The following MAPT variants were observed in gnomAD, a reference collection of about 807,000 sequenced individuals.
The protein encoded by MAPT is microtubule associated protein tau.
Under a neutral mutation model 67.9 loss-of-function variants are expected in MAPT, and 34 were observed. That is an observed-to-expected ratio of 0.50 (90% CI 0.38 to 0.67). The LOEUF (loss-of-function observed/expected upper bound fraction) is 0.67, where lower values mean the gene tolerates loss of function less well. Ranked by LOEUF, MAPT falls within the 30% of genes least tolerant of loss-of-function variation. The pLI is 0.00. For missense variants in MAPT, 881 were observed against 1,115.2 expected (o/e 0.79, Z 2.99); for synonymous variants, 456 against 464.5 (o/e 0.98, Z 0.23).
At chr17:46,009,155 G>A (rs62064672) in intron 9 of MAPT, among the ~76,000 whole-genome samples, 21,790 of 152,092 alleles carry the variant, frequency 0.14, 2,132 homozygotes, top group Non-Finnish European at 0.22. Context: ...AGCCGTGATG[G>A]TGTCACTGCA....
At chr17:45,966,431 T>C (rs915305787) in intron 2 of MAPT, among the ~76,000 whole-genome samples, 2 of 151,810 alleles carry the variant, frequency 1.3e-5, no homozygotes, top group African/African-American at 4.8e-5. Context: ...CTAAAAAAAA[T>C]CACAAAAATT....
intron 12 of MAPT, among the ~76,000 whole-genome samples, chr17:46,022,561 A>T (rs899249356): frequency 1.3e-5 from 2 of 152,086 alleles, no homozygotes; most frequent in Admixed American, 6.5e-5. Context: ...GCTGTGTGTG[A>T]GTGTGGATGG....
rs147868800 is a variant in MAPT at position 45,919,516 on chromosome 17, C to T, written c.-18+24830C>T. On this transcript the variant is annotated intron_variant, in intron 1 of 12. Coordinates refer to ENST00000262410, the MANE Select transcript of MAPT (RefSeq NM_001377265.1). ...GTGAGCTCACACCCAGAGCTGGCTC[C>T]GATGACCCTGTCTCCTTTACATGTT... 2.0e-3 allele frequency among the ~76,000 whole-genome samples: 312 copies of T among 152,338 alleles called. 2 individuals carry two copies. The highest frequency in any genetic ancestry group is 3.4e-3 in the Non-Finnish European group (232 of 68,030).
intron 1 of MAPT, among the ~76,000 whole-genome samples, chr17:45,912,709 A>C (rs1211762080): frequency 6.6e-6 from 1 of 152,238 alleles, no homozygotes; most frequent in Non-Finnish European, 1.5e-5. Flanking sequence ...AGGAATCAAA[A>C]ACAGTAAGTA....
At chr17:45,927,000 CAT>C (rs1006262431) in intron 1 of MAPT, among the ~76,000 whole-genome samples, 1 of 149,238 alleles carries the variant, frequency 6.7e-6, no homozygotes, top group African/African-American at 2.5e-5. Flanking sequence ...CACACATACA[CAT>C]ATATATACAC....
chr17:45,961,377 G>A (rs1229955077), intron 1 of MAPT, among the ~76,000 whole-genome samples: 2 of 152,186 alleles, frequency 1.3e-5, no homozygotes, highest in African/African-American at 4.8e-5. Context: ...ACTGGGCCCT[G>A]TGGGGTGCTT....
chr17:45,926,693 G>A (rs1284910783), intron 1 of MAPT, among the ~76,000 whole-genome samples: 1 of 152,168 alleles, frequency 6.6e-6, no homozygotes, highest in Non-Finnish European at 1.5e-5. Flanking sequence ...GTATCAGAGT[G>A]TGTGGTGTGA....
chr17:45,945,579 A>C (rs1278311021), intron 1 of MAPT, among the ~76,000 whole-genome samples: 1 of 152,126 alleles, frequency 6.6e-6, no homozygotes, highest in Non-Finnish European at 1.5e-5. Context: ...TTGGGAGGCC[A>C]AGGCAGGCGG....
chr17:45,996,714 G>A lies in MAPT; in HGVS notation c.1998+50G>A. 1 of 1,603,702 alleles carries A rather than the reference G, an allele frequency of 6.2e-7. No homozygotes were observed. Among genetic ancestry groups the A allele is most frequent in the Non-Finnish European group, 8.5e-7 (1 of 1,174,772 alleles). On this transcript the variant is annotated intron_variant, in intron 9 of 12. Transcript: ENST00000262410. This position sits in a 1 kb window ranked among gnomAD's most constrained non-coding sequence, Gnocchi z 4.5. ...AGGTGTGGGGGGCTGCGCCTGGAGG[G>A]GTAGGGCTGTGCCTGGAAGGGTAGG... is the stretch of plus-strand genomic sequence containing the variant.
intron 1 of MAPT, among the ~76,000 whole-genome samples, chr17:45,900,820 A>G (rs1212585573): frequency 1.3e-5 from 2 of 152,102 alleles, no homozygotes; most frequent in African/African-American, 4.8e-5. Flanking sequence ...GTTTTTTGTC[A>G]TCCACAACTT....
At position 46,010,266 on chromosome 17, in the gene MAPT, G is replaced by A. The variant is rs1348569350; in HGVS notation, c.1999-44G>A. Reference sequence around the variant, plus strand: ...GGCGTCCTTGCGAGCAAGCAGGCGGGTCCAGGGTGGCGTGTCACTCATCCT... The same window carrying A: ...GGCGTCCTTGCGAGCAAGCAGGCGGATCCAGGGTGGCGTGTCACTCATCCT... On this transcript the variant is annotated intron_variant, in intron 9 of 12. Coordinates refer to ENST00000262410, the MANE Select transcript of MAPT (RefSeq NM_001377265.1). The surrounding 1 kb of genome is among the most constrained non-coding windows in gnomAD (Gnocchi z 4.7). The A allele has an allele frequency of 1.5e-6, 2 of 1,367,148 alleles. No homozygotes were observed. The highest frequency in any genetic ancestry group is 2.0e-6 in the Non-Finnish European group (2 of 979,742). 84.7% of individuals were successfully genotyped at this position (1,367,148 alleles called of 1,614,324 possible). A position where few individuals can be genotyped will look rare whatever the true frequency, so the allele number is the denominator to read the frequency against.
intron 1 of MAPT, chr17:45,910,916 C>T (rs2064742439): frequency 6.6e-6 from 1 of 152,200 alleles, no homozygotes; most frequent in South Asian, 2.1e-4. Flanking sequence ...TATGCACCCA[C>T]ATTTCCAGGG....
intron 1 of MAPT, among the ~76,000 whole-genome samples, chr17:45,899,445 C>A (rs576652593): frequency 2.0e-5 from 3 of 152,152 alleles, no homozygotes; most frequent in Admixed American, 1.3e-4. Context: ...ACAACACTTC[C>A]GCTATGTAGC....
rs548209359 is a variant in MAPT, at chr17:45,967,750, C to T, written c.134-4109C>T. ...CCCGCCCCAGGTGGAGTGCCTTTCT[C>T]GGAGTTCAACAGAGCCTTCCTGTCG... is the stretch of plus-strand genomic sequence containing the variant. On this transcript the variant is annotated intron_variant, in intron 2 of 12. Coordinates refer to ENST00000262410, the MANE Select transcript of MAPT (RefSeq NM_001377265.1). Among the ~76,000 whole-genome samples, 10 of 152,250 alleles carry T rather than the reference C, an allele frequency of 6.6e-5. No homozygotes were observed. In the South Asian group the frequency reaches 1.9e-3, roughly 28 times the overall value.
At chr17:45,959,050 G>A (rs569987076) in intron 1 of MAPT, among the ~76,000 whole-genome samples, 4 of 152,314 alleles carry the variant, frequency 2.6e-5, no homozygotes, top group East Asian at 1.9e-4. Context: ...GCTACAGAGC[G>A]AGACTCTGTC....
chr17:45,907,213 T>G (rs948945841), intron 1 of MAPT, among the ~76,000 whole-genome samples: 11 of 152,114 alleles, frequency 7.2e-5, no homozygotes, highest in African/African-American at 2.7e-4. Flanking sequence ...GATGCCGTGC[T>G]CTTTCTGCCC....
chr17:45,951,314 A>G (rs938151633), intron 1 of MAPT, among the ~76,000 whole-genome samples: 4 of 152,228 alleles, frequency 2.6e-5, no homozygotes, highest in Non-Finnish European at 4.4e-5. Flanking sequence ...AATGTACTAA[A>G]TGCCACTGAA....
chr17:45,928,074 G>T (rs930760910), intron 1 of MAPT, among the ~76,000 whole-genome samples: 6 of 146,458 alleles, frequency 4.1e-5, no homozygotes, highest in Non-Finnish European at 9.0e-5. Context: ...ACATGTCCCT[G>T]TTACTGGAAT....
chr17:45,916,978 C>A (rs1357326006), intron 1 of MAPT, among the ~76,000 whole-genome samples: 2 of 152,240 alleles, frequency 1.3e-5, no homozygotes, highest in African/African-American at 4.8e-5. Context: ...GAGGTGCCAT[C>A]TCATGGGAGA....
Sources: gnomAD v4.1 joint callset for allele counts (sites outside exome capture counted in the v4.1 genomes callset) on GRCh38, gnomAD v4.1.1 for gene constraint, Gnocchi (gnomAD v3.1) non-coding constraint, MANE v1.5 for transcripts, NCBI Gene and HGNC (gene_info 2026-07-23, HGNC 2026-07-21) for gene names.